The following PDE10A variants were observed in gnomAD, a reference collection of about 807,000 sequenced individuals.
PDE10A encodes the protein cAMP and cAMP-inhibited cGMP 3',5'-cyclic phosphodiesterase 10A.
Under a neutral mutation model 97.7 loss-of-function variants are expected in PDE10A, and 39 were observed. That is an observed-to-expected ratio of 0.40 (90% CI 0.31 to 0.52). PDE10A has a LOEUF of 0.52. PDE10A is among the 20% of genes least tolerant of loss of function. The pLI is 0.56. For synonymous variants in PDE10A, 371 were observed against 376.8 expected, an observed-to-expected ratio of 0.98 and a Z score of 0.18; for missense variants, 731 against 1,047.8, an observed-to-expected ratio of 0.70 and a Z score of 4.17.
Position 165,963,679 on chromosome 6 carries a change from G to A in PDE10A, c.-615+23850C>T, listed in dbSNP as rs531031203. Among the ~76,000 whole-genome samples the A allele has an allele frequency of 5.3e-5, 8 of 152,338 alleles. No individual in the cohort carries two copies. In the East Asian group the frequency reaches 1.5e-3, roughly 29 times the overall value. ...GACCGGAGGAAGGCAGCAGCATGGG[G>A]GCGGCCACACCTGTCCTGAGAAAAG... On this transcript the variant is annotated intron_variant, in intron 1 of 19. Coordinates refer to the PDE10A transcript ENST00000366882.
At position 165,611,550 on chromosome 6, in the gene PDE10A, T is replaced by C. The variant is rs538187726; in HGVS notation, c.865+50397A>G. 1.2e-3 allele frequency among the ~76,000 whole-genome samples: 182 copies of C among 152,314 alleles called. 1 individual carries two copies. The highest frequency in any genetic ancestry group is 4.2e-3 in the African/African-American group (174 of 41,568). On this transcript the variant is annotated intron_variant, in intron 1 of 21. Coordinates refer to ENST00000539869, the MANE Select transcript of PDE10A (RefSeq NM_001385079.1). ...CCCAGAAGGGGCGGGGAAAGCTGAATGGAGTGTGAATAAGGAATAATGACT... is the reference window on the plus strand; with the variant it reads ...CCCAGAAGGGGCGGGGAAAGCTGAACGGAGTGTGAATAAGGAATAATGACT...
chr6:165,902,542 G>A (rs1286912507), intron 1 of PDE10A, among the ~76,000 whole-genome samples: 1 of 152,154 alleles, frequency 6.6e-6, no homozygotes, highest in African/African-American at 2.4e-5. Flanking sequence ...CACAGAACTG[G>A]CTCTCTTCGG....
intron 1 of PDE10A, among the ~76,000 whole-genome samples, chr6:165,726,185 T>G (rs562663752): frequency 3.1e-4 from 47 of 152,298 alleles, no homozygotes; most frequent in Admixed American, 8.5e-4. Flanking sequence ...GAGCAAGAGC[T>G]GATCCCACCA....
intron 1 of PDE10A, among the ~76,000 whole-genome samples, chr6:165,912,037 ATCTATC>A (rs1035400942): frequency 1.5e-4 from 22 of 143,926 alleles, no homozygotes; most frequent in African/African-American, 5.3e-4. Context: ...CTTTTCACCT[ATCTATC>A]TCTATCTCTA....
intron 1 of PDE10A, among the ~76,000 whole-genome samples, chr6:165,562,695 G>T (rs1227319599): frequency 6.6e-6 from 1 of 152,134 alleles, no homozygotes; most frequent in East Asian, 1.9e-4. Flanking sequence ...CAGGGAGATG[G>T]TTCTCTTATC....
At position 165,903,942 on chromosome 6, in the gene PDE10A, G is replaced by A. The variant is rs533835603; in HGVS notation, c.-615+83587C>T. On this transcript the variant is annotated intron_variant, in intron 1 of 19. Coordinates refer to the PDE10A transcript ENST00000366882. ...GATTTAGCAAGAAGGAGGCCACTGG[G>A]GACCATAACAAGGTTAGTTTCACTG... Among the ~76,000 whole-genome samples, 385 of 152,272 alleles carry A rather than the reference G, an allele frequency of 2.5e-3. 2 individuals carry two copies. The highest frequency in any genetic ancestry group is 5.0e-3 in the South Asian group (24 of 4,824).
intron 13 of PDE10A, among the ~76,000 whole-genome samples, chr6:165,411,510 C>T (rs757133003): frequency 6.6e-6 from 1 of 152,156 alleles, no homozygotes; most frequent in Non-Finnish European, 1.5e-5. Context: ...TCAGGAGAAA[C>T]ACACCTTGAT....
chr6:165,707,963 C>T (rs534311855), intron 1 of PDE10A, among the ~76,000 whole-genome samples: 1 of 152,264 alleles, frequency 6.6e-6, no homozygotes, highest in South Asian at 2.1e-4. Flanking sequence ...TCGCCATGTG[C>T]GTCTCATAGG....
At chr6:165,347,954 T>C (rs1310768130) in intron 18 of PDE10A, among the ~76,000 whole-genome samples, 1 of 152,176 alleles carries the variant, frequency 6.6e-6, no homozygotes, top group African/African-American at 2.4e-5. Context: ...ATTTCTGAAT[T>C]ATTTGAAGAA....
intron 18 of PDE10A, among the ~76,000 whole-genome samples, chr6:165,375,380 C>T (rs1393174550): frequency 6.6e-6 from 1 of 152,214 alleles, no homozygotes; most frequent in African/African-American, 2.4e-5. Flanking sequence ...CCAGCCACAA[C>T]ATTCCCTTAA....
rs528219637 is a variant in PDE10A at position 165,954,636 on chromosome 6, G to A, written c.-615+32893C>T. Among the ~76,000 whole-genome samples, 8 of 152,164 alleles carry A rather than the reference G, an allele frequency of 5.3e-5. No individual in the cohort carries two copies. In the East Asian group the frequency reaches 7.8e-4, roughly 15 times the overall value. Reference sequence around the variant, plus strand: ...GTCCTCCCTCCTCACCACCTGTGCCGACTCCAGCTTCATCTTGGCTGCGCC... The same window carrying A: ...GTCCTCCCTCCTCACCACCTGTGCCAACTCCAGCTTCATCTTGGCTGCGCC... On this transcript the variant is annotated intron_variant, in intron 1 of 19. Transcript: ENST00000366882.
intron 1 of PDE10A, among the ~76,000 whole-genome samples, chr6:165,591,829 T>C (rs10806828): frequency 0.6 from 91,696 of 152,142 alleles, 32,093 homozygotes; most frequent in Non-Finnish European, 0.78. Flanking sequence ...TCCATAAAGC[T>C]GACCTATTCA....
intron 2 of PDE10A, among the ~76,000 whole-genome samples, chr6:165,539,127 T>C (rs951897365): frequency 1.3e-5 from 2 of 152,156 alleles, no homozygotes; most frequent in African/African-American, 4.8e-5. Context: ...GTACAACAGG[T>C]TATAAAATGA....
At chr6:165,609,810 A>G (rs1288518125) in intron 1 of PDE10A, among the ~76,000 whole-genome samples, 1 of 152,206 alleles carries the variant, frequency 6.6e-6, no homozygotes, top group Admixed American at 6.5e-5. Context: ...AGGGATGTGA[A>G]GGACCTCTTC....
At chr6:165,777,451 T>A (rs1011172582) in intron 1 of PDE10A, among the ~76,000 whole-genome samples, 2 of 152,050 alleles carry the variant, frequency 1.3e-5, no homozygotes, top group Admixed American at 6.5e-5. Flanking sequence ...ACAAAAACCC[T>A]GATGATTCCA....
intron 1 of PDE10A, among the ~76,000 whole-genome samples, chr6:165,882,877 G>C (rs1232352247): frequency 6.6e-6 from 1 of 151,976 alleles, no homozygotes; most frequent in Non-Finnish European, 1.5e-5. Flanking sequence ...TCACGTCCCT[G>C]TTCTCAACCC....
chr6:165,888,731 A>T (rs549094014), intron 1 of PDE10A, among the ~76,000 whole-genome samples: 16 of 152,360 alleles, frequency 1.1e-4, no homozygotes, highest in Non-Finnish European at 1.5e-5. Context: ...TGAGCCTAAG[A>T]AATGCAGAAC....
intron 18 of PDE10A, among the ~76,000 whole-genome samples, chr6:165,355,960 T>A (rs2128189379): frequency 6.6e-6 from 1 of 152,214 alleles, no homozygotes; most frequent in South Asian, 2.1e-4. Flanking sequence ...TGACTCACAG[T>A]TCCACATGGC....
At chr6:165,866,422 T>TTTTTTTTTTTTTTTTTTTTTG (rs1781049986) in intron 1 of PDE10A, among the ~76,000 whole-genome samples, 1 of 150,102 alleles carries the variant, frequency 6.7e-6, no homozygotes, top group Non-Finnish European at 1.5e-5. Context: ...GAATTTCTGT[T>TTTTTTTTTTTTTTTTTTTTTG]AATTCATTTC....
Sources: allele counts gnomAD v4.1 joint callset (sites outside exome capture counted in the v4.1 genomes callset), GRCh38; gene constraint gnomAD v4.1.1; transcripts MANE v1.5; gene names NCBI Gene and HGNC (gene_info 2026-07-23, HGNC 2026-07-21).